ZNF444: variants seen among roughly 807,000 people sequenced by gnomAD.
ZNF444 encodes zinc finger protein 444.
Under a neutral mutation model 14.4 loss-of-function variants are expected in ZNF444, and 8 were observed. The ratio of observed to expected loss-of-function variants is 0.56; its 90% CI spans 0.33 to 1.00. The LOEUF (loss-of-function observed/expected upper bound fraction) is 1.00. Among genes scored for constraint, ZNF444 ranks in the 50% least tolerant of loss-of-function variants. The pLI, the probability that ZNF444 is intolerant of heterozygous loss-of-function variation, is 0.03. For missense variants in ZNF444, 510 were observed against 504.8 expected (o/e 1.01, Z -0.10); for synonymous variants, 258 against 235.9 (o/e 1.09, Z -0.86).
intron 3 of ZNF444, chr19:56,154,420 G>C (rs2031775013): frequency 6.6e-6 from 1 of 152,202 alleles, no homozygotes; most frequent in African/African-American, 2.4e-5. Flanking sequence ...TCCTGCCTCA[G>C]CCTCCCAAGT....
At position 56,145,792 on chromosome 19, in the gene ZNF444, G is replaced by A. The variant is rs905189477; in HGVS notation, c.-196-455G>A. 8.5e-5 allele frequency among the ~76,000 whole-genome samples: 13 copies of A among 152,204 alleles called. No homozygotes were observed. The highest frequency in any genetic ancestry group is 1.3e-4 in the Non-Finnish European group (9 of 68,036). ...CTGTCATAGCGGAGCACCGTGGACTGAACTGCTATGAGCTTATTTCTCAGT... is the reference window on the plus strand; with the variant it reads ...CTGTCATAGCGGAGCACCGTGGACTAAACTGCTATGAGCTTATTTCTCAGT... On this transcript the variant is annotated intron_variant, in intron 1 of 4. Coordinates refer to ENST00000337080, the MANE Select transcript of ZNF444 (RefSeq NM_018337.4). This position sits in a 1 kb window ranked among gnomAD's most constrained non-coding sequence, Gnocchi z 4.3.
chr19:56,137,209 G>A (rs530425733), upstream of ZNF444, among the ~76,000 whole-genome samples: 193 of 151,478 alleles, frequency 1.3e-3, no homozygotes, highest in South Asian at 9.3e-3. Flanking sequence ...GGTGGCTCAC[G>A]CCTGTCATCC....
At chr19:56,136,081 CA>C (rs1199112916) in intron 1 of ZNF444, among the ~76,000 whole-genome samples, 7 of 59,456 alleles carry the variant, frequency 1.2e-4, no homozygotes, top group Admixed American at 9.3e-4. Context: ...GATTCCGTCT[CA>C]AAAAAAAAAA....
upstream of ZNF444, among the ~76,000 whole-genome samples, chr19:56,136,948 T>G (rs1192008132): frequency 6.6e-6 from 1 of 151,742 alleles, no homozygotes; most frequent in Non-Finnish European, 1.5e-5. Context: ...ACCCAGCTAA[T>G]TTTTTTGTAT....
Position 56,160,098 on chromosome 19 carries a change from T to C in ZNF444, c.881T>C (p.Leu294Pro). 1 of 1,498,654 alleles carries C rather than the reference T, an allele frequency of 6.7e-7. No homozygotes were observed. Among genetic ancestry groups the C allele is most frequent in the Non-Finnish European group, 8.9e-7 (1 of 1,129,926 alleles). 92.8% of individuals were successfully genotyped at this position (1,498,654 alleles called of 1,614,324 possible). A position where few individuals can be genotyped will look rare whatever the true frequency, so the allele number is the denominator to read the frequency against. ...GGCTTCGGGCGCCGCGAGCACGTGC[T>C]GCGCCACCAGCGCATCCACGGCCGG... ...GKGFGRREHV[L>P]RHQRIHGRAA... is the part of the protein sequence containing the mutation. Residue 294 changes from leucine to proline, a missense_variant, in exon 5 of 5, where the codon CTG becomes CCG. By Grantham distance (98) the Leu-to-Pro change is moderately conservative. Transcript: ENST00000337080.
At chr19:56,158,262 C>G in intron 3 of ZNF444, 1 of 456,776 alleles carries the variant, frequency 2.2e-6, no homozygotes, top group Non-Finnish European at 3.9e-6. Context: ...GTTGGCCAGG[C>G]TGTCATCTGA....
At position 56,147,333 on chromosome 19, in the gene ZNF444, C is replaced by A; in HGVS notation, c.297+125C>A. ...AGTGTGACTCGCGGTGGGGAGGCTGCGGTACAGGCTGCGGTACAGCGTGGA... is the reference window on the plus strand; with the variant it reads ...AGTGTGACTCGCGGTGGGGAGGCTGAGGTACAGGCTGCGGTACAGCGTGGA... On this transcript the variant is annotated intron_variant, in intron 3 of 4. Coordinates refer to ENST00000337080, the MANE Select transcript of ZNF444 (RefSeq NM_018337.4). The surrounding 1 kb of genome is among the most constrained non-coding windows in gnomAD (Gnocchi z 5.9). 3.5e-6 allele frequency: 4 copies of A among 1,132,778 alleles called. No individual in the cohort carries two copies. The highest frequency in any genetic ancestry group is 4.7e-6 in the Non-Finnish European group (4 of 852,862). 70.2% of individuals were successfully genotyped at this position (1,132,778 alleles called of 1,614,324 possible).
At chr19:56,133,135 A>G (rs1324971149) in intron 1 of ZNF444, among the ~76,000 whole-genome samples, 1 of 151,194 alleles carries the variant, frequency 6.6e-6, no homozygotes, top group Non-Finnish European at 1.5e-5. Context: ...ATGTGGTTTC[A>G]CCATGTTGGC....
At position 56,144,927 on chromosome 19, in the gene ZNF444, G is replaced by A. The variant is rs1333530217; in HGVS notation, c.-196-1320G>A. Among the ~76,000 whole-genome samples, 1 of 152,248 alleles carries A rather than the reference G, an allele frequency of 6.6e-6. No homozygotes were observed. Among genetic ancestry groups the A allele is most frequent in the Non-Finnish European group, 1.5e-5 (1 of 68,050 alleles). On this transcript the variant is annotated intron_variant, in intron 1 of 4. Coordinates refer to ENST00000337080, the MANE Select transcript of ZNF444 (RefSeq NM_018337.4). The surrounding 1 kb of genome is among the most constrained non-coding windows in gnomAD (Gnocchi z 4.0). The stretch of plus-strand genomic sequence containing the variant: ...TGATCTTCCAGTGTCCTTGAGGTCA[G>A]GGGCCGGCAGTCTTGTCCTGTAAAG...
upstream of ZNF444, among the ~76,000 whole-genome samples, chr19:56,139,804 G>A (rs553803810): frequency 2.2e-4 from 34 of 152,234 alleles, no homozygotes; most frequent in Non-Finnish European, 3.8e-4. Context: ...TTCTAAGATG[G>A]TGGAGTAATG....
intron 3 of ZNF444, among the ~76,000 whole-genome samples, chr19:56,150,709 T>C (rs1367088249): frequency 6.6e-6 from 1 of 152,260 alleles, no homozygotes; most frequent in East Asian, 1.9e-4. Context: ...CCATTGTAGC[T>C]GACGGTGGTG....
At chr19:56,150,725 A>G (rs1430371031) in intron 3 of ZNF444, among the ~76,000 whole-genome samples, 1 of 151,964 alleles carries the variant, frequency 6.6e-6, no homozygotes, top group Admixed American at 6.6e-5. Flanking sequence ...TGGTGTATAG[A>G]CAGCTGACAT....
intron 4 of ZNF444, 101 bp from the exon 5 acceptor site, chr19:56,159,523 T>G: frequency 3.8e-6 from 4 of 1,053,492 alleles, no homozygotes; most frequent in East Asian, 2.9e-5. Flanking sequence ...ACCCCAATGG[T>G]TTCTGCCTTT....
At position 56,144,591 on chromosome 19, in the gene ZNF444, G is replaced by A. The variant is rs532107625; in HGVS notation, c.-196-1656G>A. ...GCAGCCGTCCCAGCAATGAGATGAC[G>A]TTTGTGGTTAGTGACATGGCGGTCA... On this transcript the variant is annotated intron_variant, in intron 1 of 4. Transcript: ENST00000337080. This position sits in a 1 kb window ranked among gnomAD's most constrained non-coding sequence, Gnocchi z 4.0. 6.6e-6 allele frequency among the ~76,000 whole-genome samples: 1 copy of A among 152,148 alleles called. No individual in the cohort carries two copies. The highest frequency in any genetic ancestry group is 2.1e-4 in the South Asian group (1 of 4,826).
intron 1 of ZNF444, among the ~76,000 whole-genome samples, chr19:56,136,081 CAAAA>C (rs1199112916): frequency 3.4e-5 from 2 of 59,458 alleles, no homozygotes; most frequent in African/African-American, 7.9e-5. Context: ...GATTCCGTCT[CAAAA>C]AAAAAAAAAA....
intron 1 of ZNF444, among the ~76,000 whole-genome samples, chr19:56,133,000 C>CG (rs1272839022): frequency 8.2e-6 from 1 of 121,350 alleles, no homozygotes; most frequent in Non-Finnish European, 1.6e-5. Context: ...TGCAGTGGTG[C>CG]GATCTTGGCT....
At position 56,135,723 on chromosome 19, in the gene ZNF444, G is replaced by A. The variant is rs116546187; in HGVS notation, c.-197+2945G>A. On this transcript the variant is annotated intron_variant, in intron 1 of 2. Coordinates refer to the ZNF444 transcript ENST00000587467. ...CATTAGCCAGAATAGTGTCACATATGTGAGCGTCAACCAATTGCTGGCAAG... is the reference window on the plus strand; with the variant it reads ...CATTAGCCAGAATAGTGTCACATATATGAGCGTCAACCAATTGCTGGCAAG... Among the ~76,000 whole-genome samples the A allele has an allele frequency of 8.9e-3, 1,348 of 151,770 alleles. 20 individuals carry two copies. Among genetic ancestry groups the A allele is most frequent in the African/African-American group, 0.03 (1,259 of 41,372 alleles).
chr19:56,144,556 G>A lies in ZNF444; in HGVS notation c.-196-1691G>A, dbSNP rs777666757. On this transcript the variant is annotated intron_variant, in intron 1 of 4. Transcript: ENST00000337080. This position sits in a 1 kb window ranked among gnomAD's most constrained non-coding sequence, Gnocchi z 4.0. ...CTAGGTGGCGAGAGTAGGCATACAC[G>A]GGTCTTGTGGCAGCCGTCCCAGCAA... Among the ~76,000 whole-genome samples, 2 of 152,156 alleles carry A rather than the reference G, an allele frequency of 1.3e-5. No homozygotes were observed. Among genetic ancestry groups the A allele is most frequent in the African/African-American group, 4.8e-5 (2 of 41,426 alleles).
At position 56,146,971 on chromosome 19, in the gene ZNF444, G is replaced by A; in HGVS notation, c.60G>A (p.Trp20Ter). The A allele has an allele frequency of 6.9e-7, 1 of 1,443,090 alleles. No homozygotes were observed. The highest frequency in any genetic ancestry group is 9.0e-7 in the Non-Finnish European group (1 of 1,107,340). 89.4% of individuals were successfully genotyped at this position (1,443,090 alleles called of 1,614,324 possible). ...AGGGCCTGGCGCTGGACTCCCCGTGGCACCGCTTCCGCCGCTTCCACCTGG... is the reference window on the plus strand; with the variant it reads ...AGGGCCTGGCGCTGGACTCCCCGTGACACCGCTTCCGCCGCTTCCACCTGG... ...EAEGLALDSP[W>*]HRFRRFHLGD... is the part of the protein sequence containing the mutation. The change falls in exon 3 of 5, where the codon TGG (tryptophan) becomes TGA (stop). Residue 20 changes from tryptophan to a stop codon, truncating the protein, a stop_gained. Transcript: ENST00000337080. LOFTEE classifies it high-confidence loss of function.
Sources: gnomAD v4.1 joint callset for allele counts (sites outside exome capture counted in the v4.1 genomes callset) on GRCh38, gnomAD v4.1.1 for gene constraint, Gnocchi (gnomAD v3.1) non-coding constraint, MANE v1.5 for transcripts, NCBI Gene and HGNC (gene_info 2026-07-23, HGNC 2026-07-21) for gene names.